The following LTBP1 variants were observed in gnomAD, a reference collection of about 807,000 sequenced individuals.
The protein encoded by LTBP1 is latent transforming growth factor beta binding protein 1.
Under a neutral mutation model 207.6 loss-of-function variants are expected in LTBP1, and 129 were observed. The observed-to-expected ratio is 0.62, with a 90% CI of 0.54 to 0.72. The LOEUF is 0.72. Ranked by LOEUF, LTBP1 falls within the 30% of genes least tolerant of loss-of-function variation. The probability of loss-of-function intolerance (pLI) is 0.00; values close to 1 mark genes in which losing one functional copy is unlikely to be tolerated. For missense variants in LTBP1, 2,281 were observed against 2,217.2 expected, an observed-to-expected ratio of 1.03 and a Z score of -0.58; for synonymous variants, 963 against 833.7, an observed-to-expected ratio of 1.16 and a Z score of -2.67.
intron 9 of LTBP1, 82 bp from the exon 10 acceptor site, chr2:33,243,580 A>G (rs746177071): frequency 1.9e-4 from 248 of 1,317,958 alleles, no homozygotes; most frequent in Non-Finnish European, 2.4e-4. Flanking sequence ...CTATAGTGAA[A>G]AAGGAAGTGA....
At chr2:33,133,573 C>T (rs918253567) in intron 4 of LTBP1, among the ~76,000 whole-genome samples, 3 of 152,144 alleles carry the variant, frequency 2.0e-5, no homozygotes, top group East Asian at 3.9e-4. Flanking sequence ...GTTCAGGTTG[C>T]GATCCAGCAG....
chr2:33,320,396 GAA>G (rs57890814), intron 24 of LTBP1, among the ~76,000 whole-genome samples: 10 of 124,782 alleles, frequency 8.0e-5, no homozygotes, highest in Admixed American at 8.2e-5. Flanking sequence ...TAAACTCTGT[GAA>G]AAAAAAAAAA....
At chr2:33,222,629 C>G (rs72858032) in intron 9 of LTBP1, among the ~76,000 whole-genome samples, 6,555 of 152,246 alleles carry the variant, frequency 0.043, 164 homozygotes, top group Middle Eastern at 0.14. Context: ...ATAAGAAAAG[C>G]TATGTAGCTA....
intron 31 of LTBP1, among the ~76,000 whole-genome samples, chr2:33,379,021 A>G (rs2095179503): frequency 1.3e-5 from 2 of 152,146 alleles, no homozygotes; most frequent in Admixed American, 1.3e-4. Context: ...AGCAGATTAC[A>G]AAACATTAGC....
chr2:33,377,146 A>C (rs1281925498), intron 31 of LTBP1, among the ~76,000 whole-genome samples: 1 of 152,212 alleles, frequency 6.6e-6, no homozygotes, highest in East Asian at 1.9e-4. Context: ...TTACTCCTTC[A>C]TTTCTTGCTA....
At chr2:33,091,518 T>C (rs218184) in intron 3 of LTBP1, among the ~76,000 whole-genome samples, 121,381 of 152,136 alleles carry the variant, frequency 0.8, 50,121 homozygotes, top group East Asian at 1. Flanking sequence ...CTCTTCACTA[T>C]TCTCTGTTCT....
intron 3 of LTBP1, chr2:33,056,443 G>A: frequency 1.0e-6 from 1 of 965,392 alleles, no homozygotes; most frequent in East Asian, 2.8e-5. Context: ...AGCTTGTTTA[G>A]TTCCCTGTTG....
rs189075951 is a variant in LTBP1, at chr2:33,164,495, T to C, written c.1202-22361T>C. On this transcript the variant is annotated intron_variant, in intron 5 of 33. Coordinates refer to ENST00000404816, the MANE Select transcript of LTBP1 (RefSeq NM_206943.4). ...TTATTTTCTTAAGATGTGTTTAGGA[T>C]GTGGGCCTATCTTGCTAATGCTTAT... is the stretch of plus-strand genomic sequence containing the variant. Among the ~76,000 whole-genome samples the C allele has an allele frequency of 3.0e-3, 458 of 152,126 alleles. 1 individual carries two copies. Among genetic ancestry groups the C allele is most frequent in the Non-Finnish European group, 3.9e-3 (263 of 68,002 alleles).
intron 22 of LTBP1, among the ~76,000 whole-genome samples, chr2:33,302,790 T>A (rs1036713279): frequency 1.8e-4 from 27 of 152,186 alleles, no homozygotes; most frequent in African/African-American, 6.0e-4. Flanking sequence ...AGGCCAGATG[T>A]GGTGGCTCAT....
chr2:33,057,779 G>A (rs113224384), intron 3 of LTBP1, among the ~76,000 whole-genome samples: 14,789 of 152,272 alleles, frequency 0.097, 960 homozygotes, highest in Non-Finnish European at 0.14. Context: ...CAAGCACCAC[G>A]TGCAGCCCCA....
chr2:33,173,477 G>A (rs1313714691), intron 5 of LTBP1, among the ~76,000 whole-genome samples: 1 of 152,164 alleles, frequency 6.6e-6, no homozygotes, highest in African/African-American at 2.4e-5. Context: ...TCTCTGAATA[G>A]ACCAATAACA....
At chr2:33,053,397 A>G (rs753517332) in intron 3 of LTBP1, among the ~76,000 whole-genome samples, 13 of 152,130 alleles carry the variant, frequency 8.5e-5, no homozygotes, top group Non-Finnish European at 8.8e-5. Context: ...GGTTTTGTAC[A>G]TTCTGTGGGT....
intron 5 of LTBP1, among the ~76,000 whole-genome samples, chr2:33,169,007 G>C (rs144462686): frequency 2.0e-5 from 3 of 152,352 alleles, no homozygotes; most frequent in African/African-American, 7.2e-5. Flanking sequence ...TTAGGGGGGA[G>C]CCATGGGAAA....
intron 5 of LTBP1, among the ~76,000 whole-genome samples, chr2:33,154,453 G>C (rs1461871460): frequency 6.6e-6 from 1 of 152,114 alleles, no homozygotes; most frequent in East Asian, 1.9e-4. Context: ...CCTTGAAACT[G>C]CTAGAATATT....
At chr2:33,258,958 T>A (rs2147911031) in intron 12 of LTBP1, among the ~76,000 whole-genome samples, 1 of 152,326 alleles carries the variant, frequency 6.6e-6, no homozygotes, top group South Asian at 2.1e-4. Flanking sequence ...ACCCTCACAA[T>A]AACGTTTATG....
intron 2 of LTBP1, among the ~76,000 whole-genome samples, chr2:32,952,068 GA>G (rs1295908942): frequency 8.5e-5 from 13 of 152,140 alleles, no homozygotes; most frequent in Non-Finnish European, 1.5e-4. Context: ...CAATTGATGC[GA>G]AAAAAATTTC....
At position 33,328,667 on chromosome 2, in the gene LTBP1, C is replaced by G. The variant is rs553516755; in HGVS notation, c.3730+13398C>G. 2.6e-5 allele frequency among the ~76,000 whole-genome samples: 4 copies of G among 152,262 alleles called. No individual in the cohort carries two copies. In the South Asian group the frequency reaches 8.3e-4, roughly 32 times the overall value. On this transcript the variant is annotated intron_variant, in intron 24 of 33. Transcript: ENST00000404816. Reference sequence around the variant, plus strand: ...GCTCCCATGATCCACTTGCCTCCACCTAGTTCTGCCCTTGACACATGGGGA... The same window carrying G: ...GCTCCCATGATCCACTTGCCTCCACGTAGTTCTGCCCTTGACACATGGGGA...
chr2:33,138,136 C>T (rs2082291210), intron 5 of LTBP1, among the ~76,000 whole-genome samples: 1 of 152,174 alleles, frequency 6.6e-6, no homozygotes, highest in South Asian at 2.1e-4. Flanking sequence ...TTCCTTCATG[C>T]TGCTTCTGTG....
chr2:33,191,255 T>G (rs1240219034), intron 7 of LTBP1, among the ~76,000 whole-genome samples: 1 of 152,214 alleles, frequency 6.6e-6, no homozygotes, highest in Non-Finnish European at 1.5e-5. Flanking sequence ...AAGATACTAT[T>G]GACTTGTAAG....
Sources: allele counts gnomAD v4.1 joint callset (sites outside exome capture counted in the v4.1 genomes callset), GRCh38; gene constraint gnomAD v4.1.1; transcripts MANE v1.5; gene names NCBI Gene and HGNC (gene_info 2026-07-23, HGNC 2026-07-21).